GABRB2: variants seen among roughly 807,000 people sequenced by gnomAD.
GABRB2 encodes gamma-aminobutyric acid type A receptor subunit beta2.
Under a neutral mutation model 54.7 loss-of-function variants are expected in GABRB2, and 16 were observed. The observed-to-expected ratio is 0.29, with a 90% CI of 0.20 to 0.44. GABRB2 has a LOEUF of 0.44. GABRB2 is among the 20% of genes least tolerant of loss of function. The pLI, the probability that GABRB2 is intolerant of heterozygous loss-of-function variation, is 1.00. For missense variants in GABRB2, 355 were observed against 644.0 expected, an observed-to-expected ratio of 0.55 and a Z score of 4.86; for synonymous variants, 244 against 233.8, an observed-to-expected ratio of 1.04 and a Z score of -0.40.
intron 5 of GABRB2, among the ~76,000 whole-genome samples, chr5:161,371,961 C>T (rs1016340612): frequency 9.9e-5 from 15 of 152,074 alleles, no homozygotes; most frequent in Non-Finnish European, 2.1e-4. Context: ...AACTCCTGGG[C>T]TCAAGTAATC....
intron 3 of GABRB2, among the ~76,000 whole-genome samples, chr5:161,465,888 T>G (rs1473481530): frequency 6.6e-6 from 1 of 152,102 alleles, no homozygotes; most frequent in Admixed American, 6.6e-5. Flanking sequence ...CATAAAGTAA[T>G]ATAGAACCAG....
intron 5 of GABRB2, among the ~76,000 whole-genome samples, chr5:161,367,668 C>G (rs1755009427): frequency 6.6e-6 from 1 of 152,130 alleles, no homozygotes; most frequent in Non-Finnish European, 1.5e-5. Context: ...GCATCTTCCT[C>G]AGTTGCATTA....
intron 3 of GABRB2, among the ~76,000 whole-genome samples, chr5:161,531,793 T>C (rs1388320285): frequency 1.3e-5 from 2 of 152,090 alleles, no homozygotes; most frequent in Admixed American, 1.3e-4. Flanking sequence ...TACAGCTTGC[T>C]TATATTTCAT....
intron 3 of GABRB2, among the ~76,000 whole-genome samples, chr5:161,543,269 C>T (rs1041706382): frequency 1.1e-4 from 17 of 152,192 alleles, no homozygotes; most frequent in African/African-American, 4.1e-4. Context: ...CAGGTCTTGG[C>T]ATTGTTTCCA....
chr5:161,429,575 A>C (rs954606160), intron 4 of GABRB2, among the ~76,000 whole-genome samples: 13 of 152,248 alleles, frequency 8.5e-5, no homozygotes, highest in African/African-American at 3.1e-4. Context: ...GAATAGGTCA[A>C]CTTGACTGGT....
chr5:161,326,071 CTCT>C (rs560866123), intron 9 of GABRB2, among the ~76,000 whole-genome samples: 329 of 152,154 alleles, frequency 2.2e-3, no homozygotes, highest in Non-Finnish European at 3.7e-3. Context: ...CACTCTTGTC[CTCT>C]CAGTACAAAT....
At chr5:161,474,611 T>C (rs1429617913) in intron 3 of GABRB2, among the ~76,000 whole-genome samples, 1 of 151,938 alleles carries the variant, frequency 6.6e-6, no homozygotes, top group African/African-American at 2.4e-5. Context: ...TTCAGAAGAA[T>C]AGGTATCAAT....
At chr5:161,446,422 T>G (rs1397277532) in intron 4 of GABRB2, among the ~76,000 whole-genome samples, 1 of 152,284 alleles carries the variant, frequency 6.6e-6, no homozygotes, top group African/African-American at 2.4e-5. Context: ...GTAATCAAAG[T>G]GAATAATTGC....
In GABRB2 at chr5:161,294,312, G is replaced by A. The variant is rs2229944; in HGVS notation, c.1308C>T (p.Ala436=). 0.086 allele frequency: 138,818 copies of A among 1,614,038 alleles called. 7,734 individuals are homozygous for A. The highest frequency in any genetic ancestry group is 0.26 in the Admixed American group (15,839 of 60,000). ...DPRSTMLAYD[A]SSIQYRKAGL... is the part of the protein sequence containing the mutation. ...CAGCTTTCCGATACTGGATGCTGGA[G>A]GCATCATAGGCTAGCATTGTGCTTC... Residue 436 remains alanine, a synonymous_variant, in exon 10 of 10, where the codon GCC becomes GCT. Transcript: ENST00000393959.
intron 3 of GABRB2, among the ~76,000 whole-genome samples, chr5:161,472,857 A>G (rs867151758): frequency 6.6e-6 from 1 of 152,000 alleles, no homozygotes; most frequent in Middle Eastern, 3.2e-3. Flanking sequence ...GGTGACAATT[A>G]TTACTTAACA....
intron 3 of GABRB2, among the ~76,000 whole-genome samples, chr5:161,485,802 C>T (rs1411839059): frequency 6.6e-6 from 1 of 151,730 alleles, no homozygotes; most frequent in African/African-American, 2.4e-5. Flanking sequence ...CCTATTGTAG[C>T]AATTTGGAAA....
chr5:161,469,221 TA>T (rs1227563371), intron 3 of GABRB2, among the ~76,000 whole-genome samples: 1 of 151,902 alleles, frequency 6.6e-6, no homozygotes, highest in Non-Finnish European at 1.5e-5. Context: ...CTTGTTGAGT[TA>T]AATTATAAAA....
chr5:161,382,391 A>G (rs1755496937), intron 5 of GABRB2, among the ~76,000 whole-genome samples: 1 of 152,198 alleles, frequency 6.6e-6, no homozygotes, highest in Non-Finnish European at 1.5e-5. Flanking sequence ...CTAGTGCAGA[A>G]CAAATCCATT....
intron 5 of GABRB2, among the ~76,000 whole-genome samples, chr5:161,396,655 A>T (rs1756011956): frequency 6.6e-6 from 1 of 152,246 alleles, no homozygotes; most frequent in African/African-American, 2.4e-5. Flanking sequence ...AATAAATGAG[A>T]GAGTATCACC....
At chr5:161,433,964 C>T (rs1269341505) in intron 4 of GABRB2, among the ~76,000 whole-genome samples, 11 of 152,204 alleles carry the variant, frequency 7.2e-5, no homozygotes, top group Middle Eastern at 3.4e-3. Context: ...AAATCTCTGT[C>T]TCAATGTTTA....
intron 3 of GABRB2, among the ~76,000 whole-genome samples, chr5:161,500,723 T>C (rs1272982320): frequency 6.6e-6 from 1 of 152,216 alleles, no homozygotes; most frequent in Non-Finnish European, 1.5e-5. Flanking sequence ...TGAATTCCAT[T>C]TCAGATTTTA....
At chr5:161,443,085 C>G (rs544745912) in intron 4 of GABRB2, among the ~76,000 whole-genome samples, 1 of 152,064 alleles carries the variant, frequency 6.6e-6, no homozygotes. Context: ...TGGATAGCAC[C>G]TAGAATACAG....
intron 8 of GABRB2, among the ~76,000 whole-genome samples, chr5:161,328,837 A>G (rs1753739282): frequency 6.6e-6 from 1 of 152,088 alleles, no homozygotes; most frequent in Non-Finnish European, 1.5e-5. Flanking sequence ...ACAATGAAAG[A>G]TGTCTCCAGA....
At chr5:161,503,599 T>C (rs1166808796) in intron 3 of GABRB2, among the ~76,000 whole-genome samples, 1 of 151,044 alleles carries the variant, frequency 6.6e-6, no homozygotes, top group African/African-American at 2.4e-5. Context: ...TCCCAGCTAC[T>C]CGGGAGACTG....
Sources: gnomAD v4.1 joint callset for allele counts (sites outside exome capture counted in the v4.1 genomes callset) on GRCh38, gnomAD v4.1.1 for gene constraint, MANE v1.5 for transcripts, NCBI Gene and HGNC (gene_info 2026-07-23, HGNC 2026-07-21) for gene names.